SDK1: variants seen among roughly 807,000 people sequenced by gnomAD.
SDK1 encodes the protein protein sidekick-1.
In SDK1, 157 loss-of-function variants were observed where a neutral mutation model predicts 245.5. The observed-to-expected ratio is 0.64, with a 90% confidence interval of 0.56 to 0.73. SDK1 has a LOEUF of 0.73. Ranked by LOEUF, SDK1 falls within the 30% of genes least tolerant of loss-of-function variation. The probability of loss-of-function intolerance (pLI) is 0.00; values close to 1 mark genes in which losing one functional copy is unlikely to be tolerated. For synonymous variants in SDK1, 1,647 were observed against 1,278.5 expected (o/e 1.29, Z -6.15); for missense variants, 3,583 against 3,002.3 (o/e 1.19, Z -4.52).
At position 4,130,043 on chromosome 7, in the gene SDK1, A is replaced by G. The variant is rs780325232; in HGVS notation, c.4075A>G (p.Ile1359Val). The G allele has an allele frequency of 5.6e-6, 9 of 1,613,060 alleles. No individual in the cohort carries two copies. The highest frequency in any genetic ancestry group is 5.3e-5 in the African/African-American group (4 of 75,026). ...GCTCCAGGTGCTGGCGTTCACCCGC[A>G]TCGGGAACGGGGTCCCCAGCACGCC... ...YELQVLAFTR[I>V]GNGVPSTPLI... The change falls in exon 27 of 45, where the codon ATC becomes GTC. Residue 1359 changes from isoleucine (I) to valine (V), a missense_variant. Ile to Val is a conservative substitution (Grantham distance 29, BLOSUM62 3). Coordinates refer to ENST00000404826, the MANE Select transcript of SDK1 (RefSeq NM_152744.4).
chr7:3,356,399 C>G (rs1047570741), intron 1 of SDK1, among the ~76,000 whole-genome samples: 1 of 152,160 alleles, frequency 6.6e-6, no homozygotes, highest in African/African-American at 2.4e-5. Flanking sequence ...GTGTTTGTTA[C>G]CGCTCTTTAA....
At chr7:4,048,311 C>G (rs1789168959) in intron 17 of SDK1, among the ~76,000 whole-genome samples, 1 of 152,192 alleles carries the variant, frequency 6.6e-6, no homozygotes, top group African/African-American at 2.4e-5. Context: ...GGAGGCTTGG[C>G]TCCTCTCTGC....
intron 7 of SDK1, among the ~76,000 whole-genome samples, chr7:3,956,021 C>T (rs1045460165): frequency 2.0e-5 from 3 of 152,216 alleles, no homozygotes; most frequent in Non-Finnish European, 2.9e-5. Flanking sequence ...TGACTTCACA[C>T]AGGGCATGAG....
In SDK1 at chr7:3,448,047, G is replaced by A. The variant is rs548727717; in HGVS notation, c.298+146163G>A. ...CACAACAATGCTTTGATTTCCAGAG[G>A]GTAGGTTTCTGATAATGGGACTGAC... On this transcript the variant is annotated intron_variant, in intron 1 of 44. Transcript: ENST00000404826. Among the ~76,000 whole-genome samples the A allele has an allele frequency of 3.3e-5, 5 of 152,030 alleles. No individual in the cohort carries two copies. The South Asian group carries it at 1.0e-3, about 32-fold the overall frequency.
chr7:3,545,613 A>C (rs1043827459), intron 1 of SDK1, among the ~76,000 whole-genome samples: 1 of 152,216 alleles, frequency 6.6e-6, no homozygotes, highest in African/African-American at 2.4e-5. Context: ...ATATTACATG[A>C]TTGAAATGAA....
intron 4 of SDK1, among the ~76,000 whole-genome samples, chr7:3,733,316 T>A (rs1779231596): frequency 6.6e-6 from 1 of 152,228 alleles, no homozygotes; most frequent in Non-Finnish European, 1.5e-5. Flanking sequence ...TTGGGAAGCC[T>A]CCTAAATATG....
intron 1 of SDK1, among the ~76,000 whole-genome samples, chr7:3,501,908 A>G (rs889272681): frequency 2.0e-5 from 3 of 152,080 alleles, no homozygotes; most frequent in Admixed American, 6.5e-5. Context: ...TAACTATTTG[A>G]TTCTTATTCT....
At chr7:4,064,731 A>C (rs1243311204) in intron 19 of SDK1, among the ~76,000 whole-genome samples, 1 of 152,242 alleles carries the variant, frequency 6.6e-6, no homozygotes, top group South Asian at 2.1e-4. Flanking sequence ...ATTCAGCCAC[A>C]AGAAAGAATG....
chr7:3,900,207 C>A (rs1163221823), intron 5 of SDK1, among the ~76,000 whole-genome samples: 1 of 152,194 alleles, frequency 6.6e-6, no homozygotes, highest in Non-Finnish European at 1.5e-5. Context: ...CCCCATAATT[C>A]TCTGGAATAG....
chr7:3,560,190 A>G (rs558077886), intron 1 of SDK1, among the ~76,000 whole-genome samples: 3 of 152,346 alleles, frequency 2.0e-5, no homozygotes, highest in South Asian at 2.1e-4. Context: ...CGCAAAATAC[A>G]CTGTTTATCT....
chr7:4,091,331 T>G (rs1265343702), intron 22 of SDK1, among the ~76,000 whole-genome samples: 4 of 124,254 alleles, frequency 3.2e-5, no homozygotes, highest in Non-Finnish European at 6.4e-5. Flanking sequence ...TTTCTTTTCT[T>G]TTCTTTTTTT....
intron 8 of SDK1, among the ~76,000 whole-genome samples, 153 bp from the exon 9 acceptor site, chr7:3,962,504 G>A (rs1051419733): frequency 1.3e-5 from 2 of 152,210 alleles, no homozygotes; most frequent in Non-Finnish European, 2.9e-5. Flanking sequence ...CATCTACAAC[G>A]AGAAAAATAG....
At chr7:3,375,986 G>T (rs1781346161) in intron 1 of SDK1, among the ~76,000 whole-genome samples, 1 of 152,208 alleles carries the variant, frequency 6.6e-6, no homozygotes, top group African/African-American at 2.4e-5. Flanking sequence ...GGGATAGCCA[G>T]CTAGAATTGG....
chr7:4,124,271 T>C (rs1373092826), intron 25 of SDK1, among the ~76,000 whole-genome samples: 1 of 152,232 alleles, frequency 6.6e-6, no homozygotes, highest in East Asian at 1.9e-4. Flanking sequence ...AAATGTTTTC[T>C]GTTACCATTC....
At chr7:3,442,677 T>TG (rs1297333676) in intron 1 of SDK1, among the ~76,000 whole-genome samples, 6 of 152,226 alleles carry the variant, frequency 3.9e-5, no homozygotes, top group Non-Finnish European at 8.8e-5. Context: ...TATAGTAACA[T>TG]GGGGAAATTA....
intron 4 of SDK1, among the ~76,000 whole-genome samples, chr7:3,655,448 A>AATTATAT (rs1783135560): frequency 1.5e-5 from 1 of 66,334 alleles, no homozygotes; most frequent in African/African-American, 7.5e-5. Context: ...AAACAAAACA[A>AATTATAT]ATATATATAT....
At chr7:3,558,540 T>A (rs1779657716) in intron 1 of SDK1, among the ~76,000 whole-genome samples, 1 of 152,344 alleles carries the variant, frequency 6.6e-6, no homozygotes, top group Middle Eastern at 3.4e-3. Context: ...GAGGCAGTGA[T>A]TGGCCTGGTA....
intron 1 of SDK1, among the ~76,000 whole-genome samples, chr7:3,307,835 TTAGAC>T (rs144895748): frequency 0.035 from 5,302 of 152,250 alleles, 149 homozygotes; most frequent in African/African-American, 0.064. Flanking sequence ...AAAGGAGGGA[TTAGAC>T]TAGATGTTCA....
chr7:3,596,766 G>T (rs1316493719), intron 1 of SDK1, among the ~76,000 whole-genome samples: 3 of 152,158 alleles, frequency 2.0e-5, no homozygotes, highest in Non-Finnish European at 4.4e-5. Context: ...GACTAATTCT[G>T]GAATCAGAAG....
Sources: gnomAD v4.1 joint callset for allele counts (sites outside exome capture counted in the v4.1 genomes callset) on GRCh38, gnomAD v4.1.1 for gene constraint, MANE v1.5 for transcripts, NCBI Gene and HGNC (gene_info 2026-07-23, HGNC 2026-07-21) for gene names.